Variants in SOCS7 observed in about 807,000 individuals in gnomAD.
The protein encoded by SOCS7 is suppressor of cytokine signaling 7, also known as NAP-4.
Under a neutral mutation model 58.9 loss-of-function variants are expected in SOCS7, and 18 were observed. That is an observed-to-expected ratio of 0.31 (90% CI 0.21 to 0.45). SOCS7 has a LOEUF of 0.45. Ranked by LOEUF, SOCS7 falls within the 20% of genes least tolerant of loss-of-function variation. SOCS7 has a pLI of 1.00. For missense variants in SOCS7, 667 were observed against 837.3 expected, an observed-to-expected ratio of 0.80 and a Z score of 2.51; for synonymous variants, 388 against 364.3, an observed-to-expected ratio of 1.06 and a Z score of -0.74.
intron 1 of SOCS7, 49 bp from the exon 2 acceptor site, chr17:38,361,662 A>G: frequency 1.4e-6 from 2 of 1,399,432 alleles, no homozygotes; most frequent in Non-Finnish European, 2.0e-6. Context: ...TTAAATGCAT[A>G]TGTGTTCATT....
intron 5 of SOCS7, 42 bp from the exon 6 acceptor site, chr17:38,367,840 C>T (rs2037812001): frequency 1.3e-6 from 2 of 1,584,092 alleles, no homozygotes; most frequent in Non-Finnish European, 1.7e-6. Context: ...TTTGACATTT[C>T]TCTGTCCTGA....
rs917694740 is a variant in SOCS7, at chr17:38,395,735, A to G, written c.1818-113A>G. ...AACTATAATAACTGAGAAAATGGGG[A>G]TTGTGTTAGGTCTCAACCATGTAGG... On this transcript the variant is annotated intron_variant, in intron 8 of 9. Coordinates refer to ENST00000612932, the MANE Select transcript of SOCS7 (RefSeq NM_014598.4). The G allele has an allele frequency of 1.6e-5, 17 of 1,069,776 alleles. No individual in the cohort carries two copies. The African/African-American group carries it at 2.4e-4, about 15-fold the overall frequency. The allele number at this position is 1,069,776 out of a possible 1,614,324, so 66.3% of individuals were successfully genotyped here. A position where few individuals can be genotyped will look rare whatever the true frequency, so the allele number is the denominator to read the frequency against.
At chr17:38,379,595 CAG>C (rs1206529520) in intron 7 of SOCS7, among the ~76,000 whole-genome samples, 3 of 152,120 alleles carry the variant, frequency 2.0e-5, no homozygotes, top group Non-Finnish European at 4.4e-5. Context: ...TGTAGGAGCT[CAG>C]GGGAGCCTCA....
chr17:38,368,059 T>C lies in SOCS7; in HGVS notation c.1552+9T>C. 6.3e-7 allele frequency: 1 copy of C among 1,591,686 alleles called. No homozygotes were observed. The highest frequency in any genetic ancestry group is 8.6e-7 in the Non-Finnish European group (1 of 1,165,376). On this transcript the variant is annotated intron_variant, in intron 6 of 9. Coordinates refer to ENST00000612932, the MANE Select transcript of SOCS7 (RefSeq NM_014598.4). ...AATGGAGCACTACAGAGGTAAGAGA[T>C]ACTGGTAAGAGAGGCTTCTTCCCCC...
At chr17:38,367,828 A>G (rs2037811727) in intron 5 of SOCS7, 54 bp from the exon 6 acceptor site, 2 of 1,536,328 alleles carry the variant, frequency 1.3e-6, no homozygotes, top group Admixed American at 1.8e-5. Flanking sequence ...TGCACTGAAA[A>G]CTTTGACATT....
At chr17:38,359,743 A>G (rs1023615428) in intron 1 of SOCS7, among the ~76,000 whole-genome samples, 1 of 149,738 alleles carries the variant, frequency 6.7e-6, no homozygotes, top group Non-Finnish European at 1.5e-5. Context: ...TTACTGTTAT[A>G]TATATATATA....
intron 1 of SOCS7, 33 bp downstream of exon 1, chr17:38,353,065 C>T: frequency 2.0e-6 from 3 of 1,511,478 alleles, no homozygotes; most frequent in Non-Finnish European, 2.6e-6. Context: ...CGACAAACTT[C>T]CTTTTCTTGT....
At chr17:38,367,769 T>G in intron 5 of SOCS7, 113 bp from the exon 6 acceptor site, 1 of 917,112 alleles carries the variant, frequency 1.1e-6, no homozygotes, top group Non-Finnish European at 1.7e-6. Flanking sequence ...TTTTACCTAT[T>G]GAAATATTTT....
intron 9 of SOCS7, among the ~76,000 whole-genome samples, chr17:38,396,848 CA>C (rs1267934171): frequency 1.3e-5 from 2 of 151,996 alleles, no homozygotes; most frequent in African/African-American, 4.8e-5. Context: ...AGTAGATGTA[CA>C]GTCTCATCAT....
intron 6 of SOCS7, among the ~76,000 whole-genome samples, chr17:38,376,950 T>C (rs141284549): frequency 6.6e-6 from 1 of 152,306 alleles, no homozygotes; most frequent in African/African-American, 2.4e-5. Flanking sequence ...TTCTTTAGAG[T>C]TGCCTCCAGT....
chr17:38,366,018 T>C, intron 4 of SOCS7: 1 of 1,213,058 alleles, frequency 8.2e-7, no homozygotes, highest in Non-Finnish European at 1.0e-6. Flanking sequence ...GCCCCTGAAG[T>C]AGTCACCTTA....
chr17:38,377,926 C>A, intron 7 of SOCS7, 84 bp downstream of exon 7: 1 of 1,382,940 alleles, frequency 7.2e-7, no homozygotes, highest in Non-Finnish European at 9.9e-7. Flanking sequence ...CCACAAAAGG[C>A]CATGGTTAAG....
At chr17:38,388,967 A>C (rs1227152643) in intron 7 of SOCS7, among the ~76,000 whole-genome samples, 1 of 152,180 alleles carries the variant, frequency 6.6e-6, no homozygotes, top group Non-Finnish European at 1.5e-5. Flanking sequence ...TGTTTATGTG[A>C]ATATCTTTTC....
chr17:38,380,108 C>T (rs978565889), intron 7 of SOCS7, among the ~76,000 whole-genome samples: 2 of 152,160 alleles, frequency 1.3e-5, no homozygotes, highest in African/African-American at 2.4e-5. Flanking sequence ...GAGAAAACTT[C>T]GTGGAATATT....
Position 38,352,915 on chromosome 17 carries a change from A to G in SOCS7, c.863A>G (p.Asn288Ser), listed in dbSNP as rs747364839. 1.6e-5 allele frequency: 26 copies of G among 1,606,852 alleles called. No individual in the cohort carries two copies. Among genetic ancestry groups the G allele is most frequent in the Admixed American group, 1.7e-5 (1 of 59,040 alleles). Residue 288 changes from asparagine to serine, a missense_variant, in exon 1 of 10, where the codon AAC becomes AGC. By Grantham distance (46) the Asn-to-Ser change is conservative. Coordinates refer to ENST00000612932, the MANE Select transcript of SOCS7 (RefSeq NM_014598.4). This position sits in a 1 kb window ranked among gnomAD's most constrained non-coding sequence, Gnocchi z 5.5. ...CGCCTCTTTCGCACCAAGAGCTGCAACGGTGGCTCCGGCGGTGGGGATGGG... is the reference window on the plus strand; with the variant it reads ...CGCCTCTTTCGCACCAAGAGCTGCAGCGGTGGCTCCGGCGGTGGGGATGGG... ...LSRLFRTKSC[N>S]GGSGGGDGTG...
intron 1 of SOCS7, among the ~76,000 whole-genome samples, chr17:38,357,767 T>C (rs1555567009): frequency 6.6e-6 from 1 of 152,230 alleles, no homozygotes; most frequent in East Asian, 1.9e-4. Context: ...TTGGACATCC[T>C]AGTTTGGAAG....
chr17:38,400,956 T>C lies in SOCS7; in HGVS notation c.*1474T>C, dbSNP rs532088211. ...TCATGACTCCTTTGCGTGTGTTCCA[T>C]GGGACTCTCTTTCTGGGTTCCCCAT... is the stretch of plus-strand genomic sequence containing the variant. On this transcript the variant is annotated 3_prime_UTR_variant, in exon 10 of 10. Transcript: ENST00000612932. 1 of 152,388 alleles carries C rather than the reference T, an allele frequency of 6.6e-6. No individual in the cohort carries two copies. Among genetic ancestry groups the C allele is most frequent in the African/African-American group, 2.4e-5 (1 of 41,580 alleles). 9.4% of individuals were successfully genotyped at this position (152,388 alleles called of 1,614,324 possible).
chr17:38,385,636 T>G (rs1443847573), intron 7 of SOCS7, among the ~76,000 whole-genome samples: 3 of 152,138 alleles, frequency 2.0e-5, no homozygotes, highest in Non-Finnish European at 4.4e-5. Context: ...CATGAATGCT[T>G]TTATCACCCC....
chr17:38,365,339 C>T lies in SOCS7; in HGVS notation c.1182C>T (p.Val394=), dbSNP rs891547163. 1 of 1,613,108 alleles carries T rather than the reference C, an allele frequency of 6.2e-7. No homozygotes were observed. The highest frequency in any genetic ancestry group is 8.5e-7 in the Non-Finnish European group (1 of 1,179,538). Reference sequence around the variant, plus strand: ...TCAGTGGGACGCTGCCTACATCTGTCCTTGTGGCTCCGATGGGGTCTTCCT... The same window carrying T: ...TCAGTGGGACGCTGCCTACATCTGTTCTTGTGGCTCCGATGGGGTCTTCCT... The part of the protein sequence containing the change: ...DDISGTLPTS[V]LVAPMGSSLQ... Residue 394 remains valine, a synonymous_variant, in exon 4 of 10, where the codon GTC becomes GTT. Coordinates refer to ENST00000612932, the MANE Select transcript of SOCS7 (RefSeq NM_014598.4).
Sources: allele counts gnomAD v4.1 joint callset (sites outside exome capture counted in the v4.1 genomes callset), GRCh38; gene constraint gnomAD v4.1.1; non-coding constraint Gnocchi (gnomAD v3.1); transcripts MANE v1.5; gene names NCBI Gene and HGNC (gene_info 2026-07-23, HGNC 2026-07-21).